CHL1: variants seen among roughly 807,000 people sequenced by gnomAD.
CHL1 encodes cell adhesion molecule L1 like, also known as neural cell adhesion molecule L1-like protein.
CHL1 carries 96 observed loss-of-function variants against 141.9 expected under a neutral mutation model. That is an observed-to-expected ratio of 0.68 (90% CI 0.57 to 0.80). The LOEUF (loss-of-function observed/expected upper bound fraction) is 0.80. Among genes scored for constraint, CHL1 ranks in the 30% least tolerant of loss-of-function variants. The pLI is 0.00. For missense variants in CHL1, 1,820 were observed against 1,457.2 expected, an observed-to-expected ratio of 1.25 and a Z score of -4.05; for synonymous variants, 613 against 502.2, an observed-to-expected ratio of 1.22 and a Z score of -2.95.
intron 2 of CHL1, among the ~76,000 whole-genome samples, chr3:299,725 G>A (rs889980631): frequency 7.2e-5 from 11 of 152,070 alleles, no homozygotes; most frequent in Non-Finnish European, 1.5e-4. Flanking sequence ...CCTAGGCTTC[G>A]AAGCTTGCAC....
At chr3:370,690 G>T (rs1705519186) in intron 15 of CHL1, among the ~76,000 whole-genome samples, 1 of 151,976 alleles carries the variant, frequency 6.6e-6, no homozygotes, top group African/African-American at 2.4e-5. Context: ...TCTTTTAATT[G>T]TGATGTTAGC....
intron 5 of CHL1, among the ~76,000 whole-genome samples, chr3:330,754 G>C (rs1352520122): frequency 1.3e-5 from 2 of 152,100 alleles, no homozygotes; most frequent in African/African-American, 2.4e-5. Context: ...GAGGAACAAA[G>C]GGCAAACTTC....
intron 1 of CHL1, among the ~76,000 whole-genome samples, chr3:204,954 G>T (rs906870881): frequency 1.3e-5 from 2 of 152,054 alleles, no homozygotes; most frequent in African/African-American, 4.8e-5. Context: ...CTAATGCAAG[G>T]TCAAGTAGTT....
intron 11 of CHL1, among the ~76,000 whole-genome samples, chr3:357,003 C>G (rs945246800): frequency 2.0e-5 from 3 of 152,202 alleles, no homozygotes; most frequent in Non-Finnish European, 4.4e-5. Flanking sequence ...CTGAGAGGCT[C>G]TGCGCTCAGG....
At chr3:229,633 T>C (rs1200704886) in intron 1 of CHL1, among the ~76,000 whole-genome samples, 1 of 152,150 alleles carries the variant, frequency 6.6e-6, no homozygotes, top group Non-Finnish European at 1.5e-5. Context: ...ATTTTCCACA[T>C]AATAGCTTAG....
At chr3:338,165 A>T (rs17029710) in intron 5 of CHL1, among the ~76,000 whole-genome samples, 19,623 of 152,098 alleles carry the variant, frequency 0.13, 1,969 homozygotes, top group East Asian at 0.47. Context: ...CTAGACTGTT[A>T]TGTGCAAGTT....
chr3:207,739 T>G (rs1699563048), intron 1 of CHL1, among the ~76,000 whole-genome samples: 2 of 152,346 alleles, frequency 1.3e-5, no homozygotes, highest in South Asian at 4.1e-4. Context: ...AATTTGACCT[T>G]GACCCCATTT....
At chr3:311,107 A>G (rs1699715038) in intron 2 of CHL1, among the ~76,000 whole-genome samples, 1 of 152,126 alleles carries the variant, frequency 6.6e-6, no homozygotes, top group Non-Finnish European at 1.5e-5. Context: ...AGTATAGTTT[A>G]TTTATCCATT....
intron 5 of CHL1, among the ~76,000 whole-genome samples, chr3:330,332 A>G (rs1203558839): frequency 6.6e-6 from 1 of 152,142 alleles, no homozygotes; most frequent in Admixed American, 6.5e-5. Flanking sequence ...ATGCAGTGAA[A>G]GCATTATTTA....
intron 1 of CHL1, among the ~76,000 whole-genome samples, chr3:239,218 A>T (rs897724101): frequency 6.6e-6 from 1 of 152,194 alleles, no homozygotes; most frequent in Non-Finnish European, 1.5e-5. Context: ...ATCACAGAGC[A>T]CCGGCTAGAT....
At chr3:307,428 G>C (rs962029802) in intron 2 of CHL1, among the ~76,000 whole-genome samples, 1 of 152,192 alleles carries the variant, frequency 6.6e-6, no homozygotes, top group Non-Finnish European at 1.5e-5. Flanking sequence ...CTGCAAGAAA[G>C]CTTCACTAGA....
chr3:382,619 AG>A lies in CHL1; in HGVS notation c.2127del (p.Arg710GlufsTer25), dbSNP rs1707183565. ...QFRVIAVNEV[G>X]RSQPSQPSDH... Reference sequence around the variant, plus strand: ...TCAGGGTCATAGCCGTGAACGAAGTAGGGAGAAGTCAGCCTAGCCAGCCGTC... The same window carrying A: ...TCAGGGTCATAGCCGTGAACGAAGTAGGAGAAGTCAGCCTAGCCAGCCGTC... On this transcript the variant is annotated frameshift_variant, in exon 18 of 28. Coordinates refer to ENST00000256509, the MANE Select transcript of CHL1 (RefSeq NM_006614.4). LOFTEE classifies it high-confidence loss of function. The A allele has an allele frequency of 6.2e-7, 1 of 1,613,792 alleles. No individual in the cohort carries two copies. Among genetic ancestry groups the A allele is most frequent in the South Asian group, 1.1e-5 (1 of 91,082 alleles).
chr3:363,553 C>T lies in CHL1; in HGVS notation c.1585+170C>T, dbSNP rs1024975545. ...ATCTAAAAGATTATTGCAAGAACTA[C>T]AGGGTATGCCCATGATATGTGCACA... On this transcript the variant is annotated intron_variant, in intron 14 of 27. Transcript: ENST00000256509. 8 of 601,860 alleles carry T rather than the reference C, an allele frequency of 1.3e-5. No individual in the cohort carries two copies. The African/African-American group carries it at 1.5e-4, about 11-fold the overall frequency. 37.3% of individuals were successfully genotyped at this position (601,860 alleles called of 1,614,324 possible).
chr3:216,288 C>T (rs1700313787), intron 1 of CHL1, among the ~76,000 whole-genome samples: 1 of 152,152 alleles, frequency 6.6e-6, no homozygotes, highest in Non-Finnish European at 1.5e-5. Context: ...GGGTGTTTAA[C>T]AGAATAATTC....
chr3:333,726 C>T (rs1239369813), intron 5 of CHL1, among the ~76,000 whole-genome samples: 4 of 152,240 alleles, frequency 2.6e-5, no homozygotes, highest in African/African-American at 4.8e-5. Flanking sequence ...AATATACATC[C>T]TGTGCATGTA....
At position 349,516 on chromosome 3, in the gene CHL1, A is replaced by G. The variant is rs1412972132; in HGVS notation, c.1006A>G (p.Thr336Ala). 1 of 1,613,614 alleles carries G rather than the reference A, an allele frequency of 6.2e-7. No individual in the cohort carries two copies. ...AGCCAGCAATTTCTTGGGAACAGCC[A>G]CTCACGATTTTCACGTTATAGTAGA... ...CTASNFLGTA[T>A]HDFHVIVEEP... The change falls in exon 10 of 28, where the codon ACT becomes GCT. Residue 336 changes from threonine to alanine, a missense_variant. By Grantham distance (58) the Thr-to-Ala change is moderately conservative. Coordinates refer to ENST00000256509, the MANE Select transcript of CHL1 (RefSeq NM_006614.4).
chr3:340,792 A>T lies in CHL1; in HGVS notation c.386-2A>T. 1.2e-6 allele frequency: 2 copies of T among 1,604,118 alleles called. No individual in the cohort carries two copies. Among genetic ancestry groups the T allele is most frequent in the Non-Finnish European group, 1.7e-6 (2 of 1,173,062 alleles). On this transcript the variant is annotated splice_acceptor_variant, in intron 5 of 27. Coordinates refer to ENST00000256509, the MANE Select transcript of CHL1 (RefSeq NM_006614.4). LOFTEE classifies it high-confidence loss of function. ...ACACATTAAAATGATTTTTTACACC[A>T]GGTGTTCCAAAATTCCCAAAAGAAA...
rs1270500125 is a variant in CHL1, at chr3:408,780, C to A, written c.*3069C>A. On this transcript the variant is annotated 3_prime_UTR_variant, in exon 28 of 28. Coordinates refer to ENST00000256509, the MANE Select transcript of CHL1 (RefSeq NM_006614.4). ...GTCTTTGCTATACAAAAGTGTTTTC[C>A]ACTAATTTTGCATGCGTATTTATAA... 6.6e-6 allele frequency: 1 copy of A among 151,952 alleles called. No homozygotes were observed. The highest frequency in any genetic ancestry group is 1.5e-5 in the Non-Finnish European group (1 of 67,980). The allele number at this position is 151,952 out of a possible 1,614,324, so 9.4% of individuals were successfully genotyped here. A position where few individuals can be genotyped will look rare whatever the true frequency, so the allele number is the denominator to read the frequency against.
chr3:388,784 A>G (rs1707982168), intron 19 of CHL1, among the ~76,000 whole-genome samples: 1 of 152,202 alleles, frequency 6.6e-6, no homozygotes, highest in African/African-American at 2.4e-5. Context: ...AAAATGGAGA[A>G]GGATAGAACC....
Sources: gnomAD v4.1 joint callset for allele counts (sites outside exome capture counted in the v4.1 genomes callset) on GRCh38, gnomAD v4.1.1 for gene constraint, MANE v1.5 for transcripts, NCBI Gene and HGNC (gene_info 2026-07-23, HGNC 2026-07-21) for gene names.